Variants in ACAD11 observed in about 807,000 individuals in gnomAD.
ACAD11 encodes acyl-Coenzyme A dehydrogenase family, member 11.
Under a neutral mutation model 102.2 loss-of-function variants are expected in ACAD11, and 83 were observed. The observed-to-expected ratio is 0.81, with a 90% CI of 0.68 to 0.97. The LOEUF (loss-of-function observed/expected upper bound fraction) is 0.97. ACAD11 is among the 50% of genes least tolerant of loss of function. The probability of loss-of-function intolerance (pLI) is 0.00; values close to 1 mark genes in which losing one functional copy is unlikely to be tolerated. For synonymous variants in ACAD11, 324 were observed against 319.8 expected, an observed-to-expected ratio of 1.01 and a Z score of -0.14; for missense variants, 901 against 951.7, an observed-to-expected ratio of 0.95 and a Z score of 0.70.
At chr3:132,641,345 C>T (rs1439274286) in intron 4 of ACAD11, among the ~76,000 whole-genome samples, 1 of 152,012 alleles carries the variant, frequency 6.6e-6, no homozygotes, top group Admixed American at 6.6e-5. Context: ...AGATTGAGAC[C>T]ATCCTGGCTA....
Position 132,642,000 on chromosome 3 carries a change from C to A in ACAD11, c.509G>T (p.Gly170Val). 1 of 1,613,586 alleles carries A rather than the reference C, an allele frequency of 6.2e-7. No homozygotes were observed. Among genetic ancestry groups the A allele is most frequent in the Non-Finnish European group, 8.5e-7 (1 of 1,179,710 alleles). Residue 170 changes from glycine to valine, a missense_variant, in exon 4 of 20, where the codon GGT becomes GTT. Coordinates refer to ENST00000264990, the MANE Select transcript of ACAD11 (RefSeq NM_032169.5). ...TCTTTTGCAGTACCCAGCACCTATA[C>A]CATATCCTTCCAGCTGCAGTGACTG... ...NIQSLQLEGYGIGAGYCKRQV... is the reference protein window; with the variant it reads ...NIQSLQLEGYVIGAGYCKRQV...
At chr3:132,631,308 A>G (rs764597225) in intron 6 of ACAD11, 33 bp downstream of exon 6, 2 of 1,284,852 alleles carry the variant, frequency 1.6e-6, no homozygotes, top group Admixed American at 2.9e-5. Flanking sequence ...GTTTTATATT[A>G]ATAGCAATTT....
chr3:132,599,125 C>A (rs1019042999), intron 13 of ACAD11, among the ~76,000 whole-genome samples: 4 of 151,984 alleles, frequency 2.6e-5, no homozygotes, highest in Non-Finnish European at 5.9e-5. Flanking sequence ...CCAGCCTTGG[C>A]AACCTGGCAA....
rs1940569290 is a variant in ACAD11, at chr3:132,642,667, G to A, written c.375+10C>T. 1.3e-6 allele frequency: 2 copies of A among 1,589,848 alleles called. No homozygotes were observed. The highest frequency in any genetic ancestry group is 1.7e-6 in the Non-Finnish European group (2 of 1,172,456). The stretch of plus-strand genomic sequence containing the variant: ...TAAAAGCAACAAAATAAGATTAAGT[G>A]TTAATTTACCTGCACATGTTCCATT... On this transcript the variant is annotated intron_variant, in intron 3 of 19. Transcript: ENST00000264990.
At chr3:132,610,793 T>G (rs1939099111) in intron 11 of ACAD11, among the ~76,000 whole-genome samples, 1 of 151,982 alleles carries the variant, frequency 6.6e-6, no homozygotes, top group Non-Finnish European at 1.5e-5. Context: ...CTACCAGAGG[T>G]AGAAGAAGGA....
intron 17 of ACAD11, among the ~76,000 whole-genome samples, chr3:132,561,975 T>G (rs543342052): frequency 3.0e-4 from 46 of 152,382 alleles, no homozygotes; most frequent in Non-Finnish European, 5.6e-4. Flanking sequence ...CCTTTGAGTT[T>G]CATCCAAATT....
intron 13 of ACAD11, among the ~76,000 whole-genome samples, chr3:132,590,982 T>C (rs986570658): frequency 1.3e-5 from 2 of 152,228 alleles, no homozygotes; most frequent in Non-Finnish European, 2.9e-5. Flanking sequence ...ATAGTTTCTT[T>C]TGCTATGCAG....
Position 132,561,236 on chromosome 3 carries a change from C to A in ACAD11, c.2002-19G>T, listed in dbSNP as rs773210485. On this transcript the variant is annotated intron_variant, in intron 17 of 19. Coordinates refer to ENST00000264990, the MANE Select transcript of ACAD11 (RefSeq NM_032169.5). ...CAACCTCCTATAGGGGAGGAAAAGG[C>A]AGCAAAAGAAGGAGGAGCTAAGCTG... 2.5e-6 allele frequency: 4 copies of A among 1,597,420 alleles called. No homozygotes were observed. The Admixed American group carries it at 6.7e-5, about 27-fold the overall frequency.
intron 13 of ACAD11, among the ~76,000 whole-genome samples, chr3:132,602,679 C>A (rs559259964): frequency 5.9e-5 from 9 of 152,080 alleles, no homozygotes; most frequent in African/African-American, 2.2e-4. Flanking sequence ...TCTAAAACTA[C>A]AAAAAATGAC....
intron 1 of ACAD11, among the ~76,000 whole-genome samples, chr3:132,658,868 G>T (rs1053584586): frequency 4.6e-5 from 7 of 152,022 alleles, no homozygotes; most frequent in Admixed American, 4.6e-4. Context: ...ATCAAAATAG[G>T]TATTACAACT....
intron 11 of ACAD11, among the ~76,000 whole-genome samples, chr3:132,616,762 C>T (rs1422156022): frequency 2.0e-5 from 3 of 152,182 alleles, no homozygotes; most frequent in Admixed American, 6.5e-5. Flanking sequence ...GATGTAATAG[C>T]CTTACACAGT....
chr3:132,641,852 A>C, intron 4 of ACAD11, 120 bp downstream of exon 4: 4 of 875,068 alleles, frequency 4.6e-6, no homozygotes, highest in South Asian at 2.6e-5. Context: ...TCTGAAGGAC[A>C]ATGTTAAAAG....
chr3:132,601,820 A>G (rs575324351), intron 13 of ACAD11: 23 of 330,982 alleles, frequency 6.9e-5, no homozygotes, highest in African/African-American at 2.6e-4. Flanking sequence ...ACCAATTTCA[A>G]TTTCCTGGTT....
Position 132,626,831 on chromosome 3 carries a change from A to G in ACAD11, c.1071-14T>C, listed in dbSNP as rs376592066. 72 of 1,595,834 alleles carry G rather than the reference A, an allele frequency of 4.5e-5. No individual in the cohort carries two copies. The highest frequency in any genetic ancestry group is 6.0e-5 in the Non-Finnish European group (71 of 1,174,900). On this transcript the variant is annotated splice_polypyrimidine_tract_variant and intron_variant, in intron 8 of 19. Coordinates refer to ENST00000264990, the MANE Select transcript of ACAD11 (RefSeq NM_032169.5). ...GTACTGAAAGTTCTTTGCCAAAAGA[A>G]AAAAGGAAAAAAAGGTTACAAAGAT...
In ACAD11 at chr3:132,657,846, T is replaced by C. The variant is rs142063936; in HGVS notation, c.149+1757A>G. ...TAGCTATCTTCTGTTAAACTTTTGG[T>C]ATTAAAAAAACACATATTCCTTTTT... On this transcript the variant is annotated intron_variant, in intron 1 of 19. Transcript: ENST00000264990. 7.1e-4 allele frequency among the ~76,000 whole-genome samples: 108 copies of C among 151,248 alleles called. 1 individual carries two copies. Among genetic ancestry groups the C allele is most frequent in the African/African-American group, 2.0e-3 (83 of 41,158 alleles).
intron 15 of ACAD11, among the ~76,000 whole-genome samples, chr3:132,577,339 T>C (rs1234123074): frequency 6.6e-6 from 1 of 152,238 alleles, no homozygotes; most frequent in East Asian, 1.9e-4. Flanking sequence ...TTGCTGCTTC[T>C]TTGAAATATT....
At chr3:132,573,847 G>A (rs930834522) in intron 17 of ACAD11, among the ~76,000 whole-genome samples, 3 of 152,232 alleles carry the variant, frequency 2.0e-5, no homozygotes, top group Middle Eastern at 3.4e-3. Context: ...AATTTTTTGC[G>A]TTACAGCCTG....
At chr3:132,644,104 T>C (rs1411825255) in intron 2 of ACAD11, among the ~76,000 whole-genome samples, 1 of 152,184 alleles carries the variant, frequency 6.6e-6, no homozygotes, top group East Asian at 1.9e-4. Flanking sequence ...ACATTCTCTA[T>C]TACTGTGGTA....
chr3:132,614,483 A>G (rs1017517378), intron 11 of ACAD11, among the ~76,000 whole-genome samples: 1 of 152,190 alleles, frequency 6.6e-6, no homozygotes, highest in African/African-American at 2.4e-5. Context: ...AGATATATAG[A>G]CCAATGGAAC....
Sources: gnomAD v4.1 joint callset for allele counts (sites outside exome capture counted in the v4.1 genomes callset) on GRCh38, gnomAD v4.1.1 for gene constraint, MANE v1.5 for transcripts, NCBI Gene and HGNC (gene_info 2026-07-23, HGNC 2026-07-21) for gene names.